The following TENM2 variants were observed in gnomAD, a reference collection of about 807,000 sequenced individuals.
TENM2 encodes teneurin transmembrane protein 2.
A neutral mutation model predicts 245.2 loss-of-function variants in TENM2; 52 were observed. The ratio of observed to expected loss-of-function variants is 0.21; its 90% confidence interval spans 0.17 to 0.27. The LOEUF (loss-of-function observed/expected upper bound fraction) is 0.27, where lower values mean the gene tolerates loss of function less well. Ranked by LOEUF, TENM2 falls within the 10% of genes least tolerant of loss-of-function variation. TENM2 has a pLI of 1.00. For synonymous variants in TENM2, 1,363 were observed against 1,438.9 expected, an observed-to-expected ratio of 0.95 and a Z score of 1.19; for missense variants, 3,046 against 3,666.8, an observed-to-expected ratio of 0.83 and a Z score of 4.37.
chr5:167,918,647 G>A (rs1424986289), intron 3 of TENM2, among the ~76,000 whole-genome samples: 1 of 152,176 alleles, frequency 6.6e-6, no homozygotes, highest in Non-Finnish European at 1.5e-5. Context: ...TTTGGAAGCT[G>A]AGATGGTGAC....
chr5:168,134,452 G>A (rs1396071492), intron 12 of TENM2, among the ~76,000 whole-genome samples: 3 of 152,140 alleles, frequency 2.0e-5, no homozygotes, highest in Non-Finnish European at 4.4e-5. Context: ...TTGGGAGGCC[G>A]AGGCGGGTGG....
chr5:167,773,404 G>A (rs372460896), intron 2 of TENM2, among the ~76,000 whole-genome samples: 18 of 152,236 alleles, frequency 1.2e-4, no homozygotes, highest in African/African-American at 3.9e-4. Flanking sequence ...GGTAATCATC[G>A]TTTTTGTTAT....
chr5:167,889,701 C>A (rs999166176), intron 3 of TENM2, among the ~76,000 whole-genome samples: 1 of 152,062 alleles, frequency 6.6e-6, no homozygotes, highest in East Asian at 1.9e-4. Context: ...GGGTTCTTCT[C>A]GTGGTCTTAC....
At chr5:167,430,441 A>G (rs1388355514) in intron 2 of TENM2, among the ~76,000 whole-genome samples, 3 of 152,114 alleles carry the variant, frequency 2.0e-5, no homozygotes, top group African/African-American at 7.2e-5. Context: ...TCATTAGTTT[A>G]TTTTGTGCTC....
rs182073358 is a variant in TENM2, at chr5:168,063,287, T to C, written c.1515+1022T>C. ...TATGAAAGTGAGATTATTCACAGCA[T>C]TGGAAGTGAAGAGATTGGATTACAT... On this transcript the variant is annotated intron_variant, in intron 7 of 28. Coordinates refer to ENST00000518659, the Ensembl canonical transcript of TENM2. Among the ~76,000 whole-genome samples, 100 of 152,348 alleles carry C rather than the reference T, an allele frequency of 6.6e-4. 1 individual carries two copies. The highest frequency in any genetic ancestry group is 6.8e-3 in the Middle Eastern group (2 of 294).
intron 2 of TENM2, among the ~76,000 whole-genome samples, chr5:167,415,035 T>G (rs1425686358): frequency 1.3e-5 from 2 of 151,630 alleles, no homozygotes; most frequent in Admixed American, 1.3e-4. Context: ...CCTTTGCAAG[T>G]TGGTTCTCTT....
At chr5:167,015,770 T>TA in the TENM2 span, among the ~76,000 whole-genome samples, 41 of 151,650 alleles carry the variant, frequency 2.7e-4, no homozygotes, top group Non-Finnish European at 4.6e-4. Flanking sequence ...TCAAGATATA[T>TA]TTTTTTTTCT....
chr5:167,257,080 A>G, the TENM2 span, among the ~76,000 whole-genome samples: 1 of 152,272 alleles, frequency 6.6e-6, no homozygotes, highest in South Asian at 2.1e-4. Flanking sequence ...GCATCACCAC[A>G]CAGAGATGGG....
At chr5:167,871,943 C>T (rs556181480) in intron 2 of TENM2, among the ~76,000 whole-genome samples, 1 of 152,128 alleles carries the variant, frequency 6.6e-6, no homozygotes, top group South Asian at 2.1e-4. Flanking sequence ...TTGGAATAGT[C>T]AGGGGGGAAA....
At chr5:167,819,399 A>C in intron 2 of TENM2, among the ~76,000 whole-genome samples, 1 of 152,340 alleles carries the variant, frequency 6.6e-6, no homozygotes. Context: ...TGTTGAGAGA[A>C]GCAGGTGGCT....
chr5:167,281,511 TCTGA>T (rs1771066121), upstream of TENM2, among the ~76,000 whole-genome samples: 1 of 152,168 alleles, frequency 6.6e-6, no homozygotes, highest in South Asian at 2.1e-4. Context: ...ATTTAGTTTC[TCTGA>T]CTGAGATTTG....
the TENM2 span, among the ~76,000 whole-genome samples, chr5:167,087,213 TAG>T: frequency 2.6e-5 from 4 of 152,156 alleles, no homozygotes; most frequent in Non-Finnish European, 5.9e-5. Flanking sequence ...ATGCCTCCTT[TAG>T]AGTCTTTGTT....
intron 2 of TENM2, among the ~76,000 whole-genome samples, chr5:167,454,465 TGTG>T (rs1240845656): frequency 5.9e-5 from 9 of 151,806 alleles, no homozygotes; most frequent in African/African-American, 2.2e-4. Context: ...TGTGTGTGTG[TGTG>T]TGTGTGTGCA....
intron 3 of TENM2, among the ~76,000 whole-genome samples, chr5:167,912,299 C>G (rs942750770): frequency 5.9e-5 from 9 of 152,192 alleles, no homozygotes; most frequent in African/African-American, 2.2e-4. Flanking sequence ...CCTCCAGGTT[C>G]AGGCTTACTG....
chr5:168,106,250 G>GA (rs1402425582), intron 9 of TENM2, among the ~76,000 whole-genome samples: 6 of 152,064 alleles, frequency 3.9e-5, no homozygotes, highest in East Asian at 3.9e-4. Context: ...CTTTAAAAAA[G>GA]AAAAAAACAG....
chr5:167,511,540 T>C (rs1222681003), intron 2 of TENM2, among the ~76,000 whole-genome samples: 1 of 152,178 alleles, frequency 6.6e-6, no homozygotes, highest in South Asian at 2.1e-4. Flanking sequence ...AAATACAATC[T>C]TAAGGGCCCT....
chr5:167,435,376 T>C (rs1025196198), intron 2 of TENM2, among the ~76,000 whole-genome samples: 4 of 152,168 alleles, frequency 2.6e-5, no homozygotes, highest in Non-Finnish European at 5.9e-5. Flanking sequence ...TCTCACAAGA[T>C]CTGATGGTTT....
the TENM2 span, among the ~76,000 whole-genome samples, chr5:167,232,070 C>G: frequency 1.3e-5 from 2 of 152,152 alleles, no homozygotes; most frequent in African/African-American, 4.8e-5. Context: ...GAACCTCCAC[C>G]TATATTTCAG....
intron 1 of TENM2, among the ~76,000 whole-genome samples, chr5:167,368,101 A>G (rs1760173229): frequency 2.0e-5 from 3 of 152,314 alleles, no homozygotes; most frequent in Admixed American, 1.3e-4. Context: ...AAAGGAATCA[A>G]TATTCAAAAG....
Sources: allele counts gnomAD v4.1 joint callset (sites outside exome capture counted in the v4.1 genomes callset), GRCh38; gene constraint gnomAD v4.1.1; transcripts MANE v1.5; gene names NCBI Gene and HGNC (gene_info 2026-07-23, HGNC 2026-07-21).